CA5A: variants seen among roughly 807,000 people sequenced by gnomAD.
CA5A encodes the protein carbonic anhydrase 5A.
A neutral mutation model predicts 37.1 loss-of-function variants in CA5A; 28 were observed. The ratio of observed to expected loss-of-function variants is 0.75; its 90% confidence interval spans 0.56 to 1.03. CA5A has a LOEUF of 1.03. Among genes scored for constraint, CA5A ranks in the 50% least tolerant of loss-of-function variants. The pLI is 0.00. For synonymous variants in CA5A, 171 were observed against 158.4 expected, an observed-to-expected ratio of 1.08 and a Z score of -0.60; for missense variants, 444 against 399.9, an observed-to-expected ratio of 1.11 and a Z score of -0.94.
chr16:87,889,702 G>A (rs1184189160), intron 6 of CA5A, among the ~76,000 whole-genome samples: 1 of 151,982 alleles, frequency 6.6e-6, no homozygotes, highest in Non-Finnish European at 1.5e-5. Context: ...AACCTGGGAG[G>A]CGGAGCTTGT....
intron 5 of CA5A, among the ~76,000 whole-genome samples, chr16:87,896,530 C>A (rs143474944): frequency 0.014 from 2,061 of 152,350 alleles, 16 homozygotes; most frequent in Non-Finnish European, 0.021. Context: ...ACCAATGAGG[C>A]TGAAGACCAT....
intron 2 of CA5A, 98 bp downstream of exon 2, chr16:87,926,650 C>G (rs1266783678): frequency 1.1e-6 from 1 of 923,682 alleles, no homozygotes; most frequent in East Asian, 2.4e-5. Context: ...AGGAAAGCAG[C>G]ACCTTCCTGC....
chr16:87,918,430 A>G (rs1451095479), intron 2 of CA5A, among the ~76,000 whole-genome samples: 7 of 149,140 alleles, frequency 4.7e-5, no homozygotes, highest in East Asian at 4.0e-4. Flanking sequence ...TTGGCCTTCA[A>G]GGCCATACAC....
intron 2 of CA5A, among the ~76,000 whole-genome samples, chr16:87,917,509 A>C (rs559138447): frequency 8.5e-5 from 13 of 152,210 alleles, no homozygotes; most frequent in Non-Finnish European, 1.6e-4. Context: ...ACTTCTACCT[A>C]ACTTCCCCAA....
intron 5 of CA5A, among the ~76,000 whole-genome samples, chr16:87,896,629 C>T (rs2055806503): frequency 6.6e-6 from 1 of 152,044 alleles, no homozygotes; most frequent in Admixed American, 6.6e-5. Flanking sequence ...TGACTTGTTC[C>T]ACTTTTCTTT....
Position 87,911,099 on chromosome 16 carries a change from CAAAAA to C in CA5A, c.341-6200_341-6196del, listed in dbSNP as rs11314702. ...ACAATGTCAGGGTATTCTCCTTAAT[CAAAAA>C]AAAAAAAAAAAAAAAAGGCAAGCCC... On this transcript the variant is annotated intron_variant, in intron 2 of 6. Transcript: ENST00000649794. This position sits in a 1 kb window ranked among gnomAD's most constrained non-coding sequence, Gnocchi z 4.6. Among the ~76,000 whole-genome samples, 7 of 96,562 alleles carry C rather than the reference CAAAAA, an allele frequency of 7.2e-5. No homozygotes were observed. The highest frequency in any genetic ancestry group is 2.0e-4 in the African/African-American group (6 of 29,732). 63.3% of individuals were successfully genotyped at this position (96,562 alleles called of 152,430 possible). A position where few individuals can be genotyped will look rare whatever the true frequency, so the allele number is the denominator to read the frequency against.
chr16:87,904,267 G>A (rs1183175523), intron 3 of CA5A, among the ~76,000 whole-genome samples: 19 of 152,146 alleles, frequency 1.2e-4, no homozygotes, highest in African/African-American at 4.6e-4. Context: ...GCTTGAGCCT[G>A]GGAGACGGAG....
chr16:87,895,452 G>C (rs1279502112), intron 5 of CA5A, among the ~76,000 whole-genome samples: 1 of 152,168 alleles, frequency 6.6e-6, no homozygotes. Flanking sequence ...GGCTGAGGCA[G>C]GAGAATCACT....
intron 1 of CA5A, among the ~76,000 whole-genome samples, chr16:87,929,470 A>T (rs2056366284): frequency 6.6e-6 from 1 of 150,906 alleles, no homozygotes; most frequent in African/African-American, 2.4e-5. Flanking sequence ...AAAAAAAAAA[A>T]GATATATAGT....
chr16:87,884,381 A>C (rs1202119753), downstream of CA5A: 1 of 151,172 alleles, frequency 6.6e-6, no homozygotes, highest in Admixed American at 6.6e-5. Context: ...CAGCCTGACC[A>C]ACATGGAGAA....
chr16:87,889,288 C>T (rs2055680792), intron 6 of CA5A, among the ~76,000 whole-genome samples: 1 of 152,034 alleles, frequency 6.6e-6, no homozygotes, highest in South Asian at 2.1e-4. Flanking sequence ...CTCCTGACCT[C>T]AGGTGATCGA....
intron 5 of CA5A, among the ~76,000 whole-genome samples, chr16:87,894,340 A>G (rs938678009): frequency 2.0e-5 from 3 of 152,062 alleles, no homozygotes; most frequent in African/African-American, 7.2e-5. Context: ...TGCAAGGAAG[A>G]TGGCCTCCCT....
At chr16:87,927,319 A>T (rs2056326831) in intron 1 of CA5A, among the ~76,000 whole-genome samples, 1 of 152,108 alleles carries the variant, frequency 6.6e-6, no homozygotes, top group East Asian at 1.9e-4. Context: ...AGGCAGGCTG[A>T]GTGCAGTGGG....
intron 2 of CA5A, among the ~76,000 whole-genome samples, chr16:87,914,273 G>A (rs2056097178): frequency 6.6e-6 from 1 of 152,238 alleles, no homozygotes; most frequent in Non-Finnish European, 1.5e-5. Flanking sequence ...ACCGCCTGAT[G>A]GGGTTGCTGG....
chr16:87,900,046 C>T lies in CA5A; in HGVS notation c.618+1866G>A, dbSNP rs1226607329. On this transcript the variant is annotated intron_variant, in intron 5 of 6. Transcript: ENST00000649794. ...CGCGGTGGCACTTCCTCCCCTGTCC[C>T]GGGCATCATTCCTCCCCTGTGGTTT... Among the ~76,000 whole-genome samples the T allele has an allele frequency of 4.6e-5, 7 of 151,630 alleles. No individual in the cohort carries two copies. In the Middle Eastern group the frequency reaches 0.014, roughly 297 times the overall value.
intron 2 of CA5A, chr16:87,924,227 G>A: frequency 1.0e-6 from 1 of 985,462 alleles, no homozygotes; most frequent in Non-Finnish European, 1.2e-6. Flanking sequence ...GGTTACTGCT[G>A]CTGGCACTCA....
At chr16:87,905,127 A>G (rs2055941510) in intron 2 of CA5A, among the ~76,000 whole-genome samples, 1 of 152,054 alleles carries the variant, frequency 6.6e-6, no homozygotes, top group African/African-American at 2.4e-5. Context: ...GTTCACAGTA[A>G]ATGTGGAATG....
At chr16:87,934,437 G>T (rs1241794830) in intron 1 of CA5A, among the ~76,000 whole-genome samples, 1 of 152,196 alleles carries the variant, frequency 6.6e-6, no homozygotes. Flanking sequence ...ATGTGGTGGC[G>T]CATGCCTGTA....
intron 5 of CA5A, among the ~76,000 whole-genome samples, chr16:87,894,443 A>G (rs532656385): frequency 1.3e-5 from 2 of 152,168 alleles, no homozygotes; most frequent in South Asian, 2.1e-4. Context: ...GTCTCCTAAC[A>G]TCAAGCAGTG....
Sources: gnomAD v4.1 joint callset for allele counts (sites outside exome capture counted in the v4.1 genomes callset) on GRCh38, gnomAD v4.1.1 for gene constraint, Gnocchi (gnomAD v3.1) non-coding constraint, MANE v1.5 for transcripts, NCBI Gene and HGNC (gene_info 2026-07-23, HGNC 2026-07-21) for gene names.